Variants in CACNG4 observed in about 807,000 individuals in gnomAD.
CACNG4 encodes the protein voltage-dependent calcium channel gamma-4 subunit.
CACNG4 carries 8 observed loss-of-function variants against 22.9 expected under a neutral mutation model. The observed-to-expected ratio is 0.35, with a 90% CI of 0.21 to 0.63. CACNG4 has a LOEUF of 0.63. Among genes scored for constraint, CACNG4 ranks in the 30% least tolerant of loss-of-function variants. The pLI, the probability that CACNG4 is intolerant of heterozygous loss-of-function variation, is 0.72. For missense variants in CACNG4, 357 were observed against 455.4 expected, an observed-to-expected ratio of 0.78 and a Z score of 1.97; for synonymous variants, 188 against 191.9, an observed-to-expected ratio of 0.98 and a Z score of 0.17.
chr17:67,024,484 G>A (rs1486754972), intron 2 of CACNG4, among the ~76,000 whole-genome samples: 3 of 152,240 alleles, frequency 2.0e-5, no homozygotes, highest in Non-Finnish European at 2.9e-5. Flanking sequence ...CAGCCTTCCA[G>A]GGGCTTCACG....
In CACNG4 at chr17:67,032,219, C is replaced by T; in HGVS notation, c.*1215C>T. 1 of 352,034 alleles carries T rather than the reference C, an allele frequency of 2.8e-6. No homozygotes were observed. Among genetic ancestry groups the T allele is most frequent in the South Asian group, 2.2e-5 (1 of 45,508 alleles). The allele number at this position is 352,034 out of a possible 1,614,324, so 21.8% of individuals were successfully genotyped here. ...CCTCCCTACAGAGGGGAGATCTCAG[C>T]ACTTTGTCCGGAGCTGAGGAAGTGG... is the stretch of plus-strand genomic sequence containing the variant. On this transcript the variant is annotated 3_prime_UTR_variant, in exon 4 of 4. Coordinates refer to ENST00000262138, the MANE Select transcript of CACNG4 (RefSeq NM_014405.4).
intron 1 of CACNG4, among the ~76,000 whole-genome samples, chr17:66,973,995 A>G (rs1258836896): frequency 1.3e-5 from 2 of 152,360 alleles, no homozygotes; most frequent in South Asian, 4.1e-4. Flanking sequence ...TTCCAATGAA[A>G]AACTTTTCAA....
At chr17:66,981,809 C>T (rs2035275609) in intron 1 of CACNG4, among the ~76,000 whole-genome samples, 1 of 152,206 alleles carries the variant, frequency 6.6e-6, no homozygotes, top group Middle Eastern at 3.2e-3. Flanking sequence ...TAGGTATTAT[C>T]TCAAGAACTT....
At chr17:67,012,398 C>T (rs2035473535) in intron 1 of CACNG4, among the ~76,000 whole-genome samples, 1 of 152,134 alleles carries the variant, frequency 6.6e-6, no homozygotes, top group South Asian at 2.1e-4. Context: ...AGCTTGAGCC[C>T]AGGGCTGGCA....
chr17:67,024,493 C>T (rs778024538), intron 2 of CACNG4, among the ~76,000 whole-genome samples: 12 of 152,212 alleles, frequency 7.9e-5, no homozygotes, highest in South Asian at 2.1e-4. Context: ...AGGGGCTTCA[C>T]GGAGACTGCG....
At chr17:66,989,254 G>A (rs1423984609) in intron 1 of CACNG4, among the ~76,000 whole-genome samples, 1 of 151,032 alleles carries the variant, frequency 6.6e-6, no homozygotes, top group East Asian at 1.9e-4. Flanking sequence ...AGTCTTTTTG[G>A]ATGTCATCAA....
chr17:67,018,339 G>T, intron 2 of CACNG4, 67 bp downstream of exon 2: 1 of 1,183,682 alleles, frequency 8.4e-7, no homozygotes, highest in East Asian at 2.3e-5. Context: ...GGCGGCCGGA[G>T]GAAAGAGAGA....
rs1442609426 is a variant in CACNG4 at position 67,031,349 on chromosome 17, A to G, written c.*345A>G. On this transcript the variant is annotated 3_prime_UTR_variant, in exon 4 of 4. Transcript: ENST00000262138. This position sits in a 1 kb window ranked among gnomAD's most constrained non-coding sequence, Gnocchi z 4.0. The stretch of plus-strand genomic sequence containing the variant: ...ATTGAGCCATTATCTCCTCTTGGAA[A>G]CGAATCTTGCCAGAAAAACGGGATT... 2 of 503,092 alleles carry G rather than the reference A, an allele frequency of 4.0e-6. No homozygotes were observed. Among genetic ancestry groups the G allele is most frequent in the East Asian group, 5.7e-5 (1 of 17,460 alleles). The allele number at this position is 503,092 out of a possible 1,614,324, so 31.2% of individuals were successfully genotyped here.
Position 67,031,062 on chromosome 17 carries a change from C to G in CACNG4, c.*58C>G. 6.5e-7 allele frequency: 1 copy of G among 1,531,222 alleles called. No homozygotes were observed. The highest frequency in any genetic ancestry group is 2.3e-5 in the East Asian group (1 of 44,254). 94.9% of individuals were successfully genotyped at this position (1,531,222 alleles called of 1,614,324 possible). The stretch of plus-strand genomic sequence containing the variant: ...CCCCAGAACGGCTCTTTTTGTCACA[C>G]AGGATGGCATGTGATCCTCAAGACG... On this transcript the variant is annotated 3_prime_UTR_variant, in exon 4 of 4. Coordinates refer to ENST00000262138, the MANE Select transcript of CACNG4 (RefSeq NM_014405.4). The surrounding 1 kb of genome is among the most constrained non-coding windows in gnomAD (Gnocchi z 4.0).
intron 1 of CACNG4, among the ~76,000 whole-genome samples, chr17:67,012,607 C>T (rs573922981): frequency 6.6e-6 from 1 of 152,308 alleles, no homozygotes; most frequent in Non-Finnish European, 1.5e-5. Context: ...GCTCCCATCC[C>T]GTCCTCCACT....
Position 66,964,969 on chromosome 17 carries a change from G to A in CACNG4, c.58G>A (p.Ala20Thr). The A allele has an allele frequency of 6.2e-7, 1 of 1,607,550 alleles. No individual in the cohort carries two copies. Among genetic ancestry groups the A allele is most frequent in the Non-Finnish European group, 8.5e-7 (1 of 1,177,334 alleles). Residue 20 changes from alanine (A) to threonine (T), a missense_variant, in exon 1 of 4, where the codon GCC becomes ACC. Transcript: ENST00000262138. ...GCTGACCACGGCCGGAGCCTTCGCC[G>A]CCTTCTCGCTCATGGCCATCGCCAT... ...MLLTTAGAFA[A>T]FSLMAIAIGT...
intron 1 of CACNG4, among the ~76,000 whole-genome samples, chr17:66,980,122 G>A (rs1318283356): frequency 1.3e-5 from 2 of 152,154 alleles, no homozygotes; most frequent in Non-Finnish European, 2.9e-5. Context: ...CTTCTTGCCA[G>A]CATTTTATTA....
At chr17:67,001,863 T>G (rs571012015) in intron 1 of CACNG4, among the ~76,000 whole-genome samples, 9 of 152,336 alleles carry the variant, frequency 5.9e-5, no homozygotes, top group African/African-American at 2.2e-4. Context: ...AGGCAGGATG[T>G]TGGGTGCCAT....
chr17:67,024,108 A>G (rs2035548857), intron 2 of CACNG4, among the ~76,000 whole-genome samples: 1 of 152,090 alleles, frequency 6.6e-6, no homozygotes, highest in Admixed American at 6.5e-5. Context: ...GGTTCTGTGG[A>G]CACTGTGGGT....
chr17:67,024,803 C>T (rs540838852), intron 2 of CACNG4, 57 bp from the exon 3 acceptor site: 439 of 1,434,638 alleles, frequency 3.1e-4, no homozygotes, highest in Middle Eastern at 1.7e-3. Context: ...CAGCCATGCC[C>T]GGGAGGGCAC....
At chr17:66,965,548 T>G (rs1289061365) in intron 1 of CACNG4, among the ~76,000 whole-genome samples, 17 of 23,206 alleles carry the variant, frequency 7.3e-4, no homozygotes, top group Admixed American at 1.0e-3. Flanking sequence ...AGGCTGGGGT[T>G]GGGGGGAGCG....
At chr17:67,017,675 G>A (rs1274015983) in intron 1 of CACNG4, among the ~76,000 whole-genome samples, 2 of 151,984 alleles carry the variant, frequency 1.3e-5, no homozygotes, top group African/African-American at 2.4e-5. Context: ...TCGCCACCAC[G>A]GCCAGCTAAT....
chr17:66,993,744 T>C (rs962123423), intron 1 of CACNG4, among the ~76,000 whole-genome samples: 22 of 152,302 alleles, frequency 1.4e-4, no homozygotes, highest in African/African-American at 4.8e-4. Flanking sequence ...TAGCTGGGAC[T>C]ACAGGCACCC....
intron 2 of CACNG4, among the ~76,000 whole-genome samples, chr17:67,022,076 C>CTTTT (rs58541858): frequency 2.2e-5 from 3 of 137,004 alleles, no homozygotes; most frequent in Admixed American, 7.3e-5. Context: ...AGCAACTGGG[C>CTTTT]TTTTTTTTTT....
Sources: gnomAD v4.1 joint callset for allele counts (sites outside exome capture counted in the v4.1 genomes callset) on GRCh38, gnomAD v4.1.1 for gene constraint, Gnocchi (gnomAD v3.1) non-coding constraint, MANE v1.5 for transcripts, NCBI Gene and HGNC (gene_info 2026-07-23, HGNC 2026-07-21) for gene names.